ERBB4: variants seen among roughly 807,000 people sequenced by gnomAD.
The protein encoded by ERBB4 is erb-b2 receptor tyrosine kinase 4, also known as receptor tyrosine-protein kinase erbB-4.
In ERBB4, 42 loss-of-function variants were observed where a neutral mutation model predicts 158.0. The observed-to-expected ratio is 0.27, with a 90% CI of 0.21 to 0.34. The LOEUF (loss-of-function observed/expected upper bound fraction) is 0.34, where lower values mean the gene tolerates loss of function less well. Among genes scored for constraint, ERBB4 ranks in the 10% least tolerant of loss-of-function variants. The pLI, the probability that ERBB4 is intolerant of heterozygous loss-of-function variation, is 1.00. For missense variants in ERBB4, 1,333 were observed against 1,624.1 expected, an observed-to-expected ratio of 0.82 and a Z score of 3.08; for synonymous variants, 583 against 558.7, an observed-to-expected ratio of 1.04 and a Z score of -0.61.
chr2:212,206,595 T>A (rs1434788988), intron 1 of ERBB4, among the ~76,000 whole-genome samples: 9 of 142,876 alleles, frequency 6.3e-5, no homozygotes, highest in Non-Finnish European at 1.4e-4. Flanking sequence ...TGTTCTTTTT[T>A]TTTTTTTTTT....
intron 3 of ERBB4, among the ~76,000 whole-genome samples, chr2:211,910,446 C>A (rs896474799): frequency 3.3e-5 from 5 of 149,682 alleles, no homozygotes; most frequent in African/African-American, 1.2e-4. Context: ...GAGCTGGAGG[C>A]CATTATCCTT....
intron 2 of ERBB4, among the ~76,000 whole-genome samples, chr2:212,024,965 T>C (rs191693773): frequency 6.6e-6 from 1 of 151,866 alleles, no homozygotes; most frequent in African/African-American, 2.4e-5. Flanking sequence ...CTGAGCTGTC[T>C]TCTCTATAAA....
At chr2:212,340,974 A>G (rs1370399350) in intron 1 of ERBB4, among the ~76,000 whole-genome samples, 2 of 152,132 alleles carry the variant, frequency 1.3e-5, no homozygotes, top group Non-Finnish European at 2.9e-5. Context: ...CTTAAAAGGT[A>G]TATGTAGGGC....
At chr2:212,110,555 C>T (rs978783078) in intron 2 of ERBB4, among the ~76,000 whole-genome samples, 5 of 152,190 alleles carry the variant, frequency 3.3e-5, no homozygotes, top group African/African-American at 1.2e-4. Flanking sequence ...TGAGAACAAA[C>T]CACCACACTA....
At chr2:211,993,170 T>C (rs771279122) in intron 2 of ERBB4, among the ~76,000 whole-genome samples, 2 of 152,188 alleles carry the variant, frequency 1.3e-5, no homozygotes, top group Non-Finnish European at 2.9e-5. Flanking sequence ...TGTAACTGTA[T>C]ACGGAGATAG....
At chr2:211,500,644 G>A (rs188253519) in intron 20 of ERBB4, among the ~76,000 whole-genome samples, 161 of 152,112 alleles carry the variant, frequency 1.1e-3, no homozygotes, top group Non-Finnish European at 2.0e-3. Context: ...CATCCAAAGA[G>A]TCACAGTTGT....
At chr2:212,392,289 C>T (rs114415760) in intron 1 of ERBB4, among the ~76,000 whole-genome samples, 273 of 151,878 alleles carry the variant, frequency 1.8e-3, no homozygotes, top group Middle Eastern at 6.8e-3. Flanking sequence ...GACTCAAAAA[C>T]ATGTTTCTTA....
intron 2 of ERBB4, among the ~76,000 whole-genome samples, chr2:212,056,664 T>G (rs541259462): frequency 1.3e-5 from 2 of 152,286 alleles, no homozygotes; most frequent in East Asian, 3.9e-4. Flanking sequence ...CAGAATTTCA[T>G]ATCCAGCCAA....
At chr2:212,168,981 T>C (rs937133480) in intron 1 of ERBB4, among the ~76,000 whole-genome samples, 9 of 152,122 alleles carry the variant, frequency 5.9e-5, no homozygotes, top group African/African-American at 2.2e-4. Context: ...GATAAACAAT[T>C]TTACCTATAA....
At chr2:211,449,320 A>G (rs2064186653) in intron 20 of ERBB4, among the ~76,000 whole-genome samples, 2 of 152,170 alleles carry the variant, frequency 1.3e-5, no homozygotes, top group South Asian at 4.1e-4. Context: ...ACTGTTTTGT[A>G]AAATTTAATA....
chr2:211,741,766 G>A (rs902790728), intron 5 of ERBB4, among the ~76,000 whole-genome samples: 1 of 152,064 alleles, frequency 6.6e-6, no homozygotes, highest in Non-Finnish European at 1.5e-5. Context: ...GTAATATACA[G>A]AGTATTTTAA....
intron 6 of ERBB4, among the ~76,000 whole-genome samples, chr2:211,723,415 A>G (rs567573500): frequency 2.6e-5 from 4 of 152,304 alleles, no homozygotes; most frequent in Admixed American, 2.0e-4. Flanking sequence ...GGCCTTGGAA[A>G]GCAAGCTAAT....
At chr2:211,751,375 G>T (rs1463272735) in intron 4 of ERBB4, among the ~76,000 whole-genome samples, 1 of 151,992 alleles carries the variant, frequency 6.6e-6, no homozygotes, top group Non-Finnish European at 1.5e-5. Flanking sequence ...TTCCCATCGG[G>T]ACTGAAAATA....
chr2:212,274,305 G>A (rs1243567015), intron 1 of ERBB4, among the ~76,000 whole-genome samples: 8 of 151,790 alleles, frequency 5.3e-5, no homozygotes, highest in Non-Finnish European at 1.0e-4. Context: ...CATCACTAGT[G>A]ACACTTCATA....
chr2:212,089,720 GT>G (rs1187590026), intron 2 of ERBB4, among the ~76,000 whole-genome samples: 1 of 152,152 alleles, frequency 6.6e-6, no homozygotes, highest in Non-Finnish European at 1.5e-5. Flanking sequence ...TATACTGCCT[GT>G]GGAACCATGA....
chr2:211,830,966 G>A (rs2077205834), intron 3 of ERBB4, among the ~76,000 whole-genome samples: 1 of 151,596 alleles, frequency 6.6e-6, no homozygotes, highest in South Asian at 2.1e-4. Context: ...CATATACCAG[G>A]ATGAAAATAG....
intron 4 of ERBB4, among the ~76,000 whole-genome samples, chr2:211,753,353 A>G (rs2075192833): frequency 6.6e-6 from 1 of 152,180 alleles, no homozygotes; most frequent in Non-Finnish European, 1.5e-5. Context: ...ATTATTTCAT[A>G]AGTACCTTCT....
chr2:211,474,259 A>G (rs1045821812), intron 20 of ERBB4, among the ~76,000 whole-genome samples: 36 of 152,176 alleles, frequency 2.4e-4, no homozygotes, highest in African/African-American at 8.4e-4. Context: ...CATACTAAAG[A>G]TTAAAATTAA....
chr2:211,641,819 T>C (rs763653459), intron 16 of ERBB4, among the ~76,000 whole-genome samples: 65 of 152,228 alleles, frequency 4.3e-4, no homozygotes, highest in Middle Eastern at 3.4e-3. Context: ...TACTTATGTG[T>C]CTTAGACACT....
Sources: allele counts gnomAD v4.1 joint callset (sites outside exome capture counted in the v4.1 genomes callset), GRCh38; gene constraint gnomAD v4.1.1; transcripts MANE v1.5; gene names NCBI Gene and HGNC (gene_info 2026-07-23, HGNC 2026-07-21).